LY75: variants seen among roughly 807,000 people sequenced by gnomAD.
LY75 encodes the protein C-type lectin domain family 13 member B.
A neutral mutation model predicts 231.7 loss-of-function variants in LY75; 185 were observed. That is an observed-to-expected ratio of 0.80 (90% confidence interval 0.71 to 0.90). LY75 has a LOEUF of 0.90. Ranked by LOEUF, LY75 falls within the 40% of genes least tolerant of loss-of-function variation. LY75 has a pLI of 0.00. For missense variants in LY75, 1,947 were observed against 2,050.2 expected, an observed-to-expected ratio of 0.95 and a Z score of 0.97; for synonymous variants, 668 against 689.0, an observed-to-expected ratio of 0.97 and a Z score of 0.48.
At chr2:159,881,302 G>A (rs1484053557) in intron 7 of LY75, 62 bp from the exon 8 acceptor site, 1 of 1,498,432 alleles carries the variant, frequency 6.7e-7, no homozygotes, top group Non-Finnish European at 8.9e-7. Flanking sequence ...TATGTACATT[G>A]TTATACAAAT....
chr2:159,870,588 T>C (rs1435888528), intron 13 of LY75, among the ~76,000 whole-genome samples: 1 of 152,164 alleles, frequency 6.6e-6, no homozygotes, highest in Non-Finnish European at 1.5e-5. Flanking sequence ...CACTGTATCC[T>C]TGAACTCCTG....
At chr2:159,820,489 G>T (rs909301208) in intron 28 of LY75, among the ~76,000 whole-genome samples, 1 of 152,156 alleles carries the variant, frequency 6.6e-6, no homozygotes, top group Admixed American at 6.6e-5. Flanking sequence ...CTATGAGGAT[G>T]CAAAGGCATA....
At chr2:159,811,713 T>C (rs991702318) in intron 31 of LY75, among the ~76,000 whole-genome samples, 2 of 152,198 alleles carry the variant, frequency 1.3e-5, no homozygotes, top group African/African-American at 4.8e-5. Context: ...TAGTGGCCCT[T>C]AGTTCCTTCT....
intron 23 of LY75, among the ~76,000 whole-genome samples, chr2:159,847,305 C>T (rs770073140): frequency 7.9e-5 from 12 of 152,238 alleles, no homozygotes; most frequent in South Asian, 2.1e-4. Flanking sequence ...TGAGCCACCA[C>T]GCCCAGCCTT....
At chr2:159,825,361 A>G (rs1002928405) in intron 28 of LY75, among the ~76,000 whole-genome samples, 2 of 152,256 alleles carry the variant, frequency 1.3e-5, no homozygotes, top group Admixed American at 1.3e-4. Flanking sequence ...AATCTAGAAG[A>G]AATGGATAAA....
chr2:159,831,251 C>A (rs1226348421), intron 28 of LY75, among the ~76,000 whole-genome samples: 1 of 152,080 alleles, frequency 6.6e-6, no homozygotes, highest in Non-Finnish European at 1.5e-5. Flanking sequence ...AAGTGTGTAG[C>A]ACCTCCTCCT....
At chr2:159,807,282 A>G in intron 33 of LY75, 142 bp from the exon 34 acceptor site, 1 of 1,065,556 alleles carries the variant, frequency 9.4e-7, no homozygotes, top group Non-Finnish European at 1.3e-6. Flanking sequence ...AATGAAAAAA[A>G]TAAAATCAGT....
chr2:159,887,135 C>CAT (rs969001153), intron 4 of LY75, among the ~76,000 whole-genome samples: 4 of 142,188 alleles, frequency 2.8e-5, no homozygotes, highest in Non-Finnish European at 6.1e-5. Context: ...TATAATATAA[C>CAT]ATATATATAT....
At chr2:159,842,835 C>T (rs1050634829) in intron 23 of LY75, among the ~76,000 whole-genome samples, 1 of 151,832 alleles carries the variant, frequency 6.6e-6, no homozygotes, top group African/African-American at 2.4e-5. Flanking sequence ...TTTCTAATCA[C>T]AATCAATAAT....
At chr2:159,893,803 C>A (rs1685830254) in intron 3 of LY75, 111 bp downstream of exon 3, 36 of 1,391,668 alleles carry the variant, frequency 2.6e-5, no homozygotes, top group South Asian at 7.3e-5. Flanking sequence ...ACTTCTTATC[C>A]GGGATAATAT....
In LY75 at chr2:159,840,716, A is replaced by C. The variant is rs1308737807; in HGVS notation, c.3507+13T>G. The C allele has an allele frequency of 6.2e-7, 1 of 1,613,980 alleles. No homozygotes were observed. Among genetic ancestry groups the C allele is most frequent in the Admixed American group, 1.7e-5 (1 of 60,014 alleles). ...CCATCACCCAGTCCTGGCAGTTGGG[A>C]CTGAACACTTACATCTTGACTGAAG... is the stretch of plus-strand genomic sequence containing the variant. On this transcript the variant is annotated intron_variant, in intron 25 of 34. Transcript: ENST00000263636.
At chr2:159,889,899 T>C (rs1470310388) in intron 4 of LY75, among the ~76,000 whole-genome samples, 2 of 152,178 alleles carry the variant, frequency 1.3e-5, no homozygotes, top group Admixed American at 6.6e-5. Context: ...TATTTTTCAA[T>C]GTTCAAAGAG....
intron 30 of LY75, 127 bp downstream of exon 30, chr2:159,816,679 C>G: frequency 1.5e-6 from 2 of 1,345,500 alleles, no homozygotes; most frequent in Non-Finnish European, 2.0e-6. Context: ...AAGAAAGCAC[C>G]ATGCTATGCA....
At chr2:159,893,789 A>G (rs779367346) in intron 3 of LY75, 125 bp downstream of exon 3, 5 of 1,353,958 alleles carry the variant, frequency 3.7e-6, no homozygotes, top group Non-Finnish European at 4.9e-6. Context: ...TCCTCCAAAC[A>G]TACACTTCTT....
At chr2:159,824,436 C>T (rs1683396443) in intron 28 of LY75, among the ~76,000 whole-genome samples, 1 of 152,188 alleles carries the variant, frequency 6.6e-6, no homozygotes. Flanking sequence ...AACATATATG[C>T]ACCCAATACA....
chr2:159,846,394 G>A (rs1343610355), intron 23 of LY75, among the ~76,000 whole-genome samples: 1 of 152,056 alleles, frequency 6.6e-6, no homozygotes, highest in East Asian at 1.9e-4. Context: ...GCGCATGGTG[G>A]TGCGCTCCTG....
Position 159,853,640 on chromosome 2 carries a change from GATC to G in LY75, c.2650_2652del (p.Asp884del), listed in dbSNP as rs1684468370. 1 of 1,613,318 alleles carries G rather than the reference GATC, an allele frequency of 6.2e-7. No homozygotes were observed. The highest frequency in any genetic ancestry group is 1.3e-5 in the African/African-American group (1 of 74,898). On this transcript the variant is annotated inframe_deletion, in exon 19 of 35. Transcript: ENST00000263636. ...AATGATGTCACCTACTATGTAAAAT[GATC>G]ATCTATTGGCCACTCGCTAATTCTT...
chr2:159,832,605 T>C (rs1479430430), intron 27 of LY75, among the ~76,000 whole-genome samples: 1 of 152,188 alleles, frequency 6.6e-6, no homozygotes, highest in African/African-American at 2.4e-5. Context: ...AGAAAAGATC[T>C]ACATGGATTT....
intron 16 of LY75, among the ~76,000 whole-genome samples, chr2:159,857,179 A>G (rs1684572597): frequency 6.6e-6 from 1 of 152,184 alleles, no homozygotes; most frequent in Admixed American, 6.5e-5. Context: ...CATCAACACA[A>G]CTGTCTTTCC....
Sources: allele counts gnomAD v4.1 joint callset (sites outside exome capture counted in the v4.1 genomes callset), GRCh38; gene constraint gnomAD v4.1.1; transcripts MANE v1.5; gene names NCBI Gene and HGNC (gene_info 2026-07-23, HGNC 2026-07-21).